The following SKAP1 variants were observed in gnomAD, a reference collection of about 807,000 sequenced individuals.
SKAP1 encodes src kinase associated phosphoprotein 1.
SKAP1 carries 44 observed loss-of-function variants against 58.5 expected under a neutral mutation model. The observed-to-expected ratio is 0.75, with a 90% CI of 0.59 to 0.97. The LOEUF is 0.97. SKAP1 is among the 50% of genes least tolerant of loss of function. SKAP1 has a pLI of 0.00. For synonymous variants in SKAP1, 127 were observed against 149.7 expected (o/e 0.85, Z 1.11); for missense variants, 390 against 435.2 (o/e 0.90, Z 0.92).
At chr17:48,268,226 A>C (rs1216963909) in intron 4 of SKAP1, among the ~76,000 whole-genome samples, 2 of 151,756 alleles carry the variant, frequency 1.3e-5, no homozygotes, top group Non-Finnish European at 2.9e-5. Context: ...TAACCCTCCA[A>C]ATACTGACCT....
intron 4 of SKAP1, among the ~76,000 whole-genome samples, chr17:48,205,015 T>TTG (rs751542564): frequency 6.8e-4 from 38 of 55,596 alleles, no homozygotes; most frequent in South Asian, 1.9e-3. Flanking sequence ...CTTTCTTTCT[T>TTG]TTTCTTTCTT....
intron 1 of SKAP1, among the ~76,000 whole-genome samples, chr17:48,419,898 G>C (rs1192707682): frequency 6.6e-6 from 1 of 152,162 alleles, no homozygotes; most frequent in Non-Finnish European, 1.5e-5. Context: ...GATTTTATTA[G>C]AGTCAGCAGC....
At chr17:48,411,488 G>A (rs760257945) in intron 1 of SKAP1, among the ~76,000 whole-genome samples, 1 of 152,114 alleles carries the variant, frequency 6.6e-6, no homozygotes, top group Non-Finnish European at 1.5e-5. Flanking sequence ...AATAATTTAT[G>A]TACTACTCCA....
intron 2 of SKAP1, among the ~76,000 whole-genome samples, chr17:48,373,726 A>G (rs2067117112): frequency 6.6e-6 from 1 of 152,148 alleles, no homozygotes; most frequent in African/African-American, 2.4e-5. Flanking sequence ...AGAAGAGTCT[A>G]TAGACCTCAT....
At chr17:48,266,502 T>C (rs965061275) in intron 4 of SKAP1, among the ~76,000 whole-genome samples, 1 of 151,474 alleles carries the variant, frequency 6.6e-6, no homozygotes, top group Non-Finnish European at 1.5e-5. Flanking sequence ...CTTTTTTTCT[T>C]TTCTTACTTT....
chr17:48,324,512 G>A (rs1306392285), intron 4 of SKAP1, among the ~76,000 whole-genome samples: 3 of 151,942 alleles, frequency 2.0e-5, no homozygotes, highest in Non-Finnish European at 4.4e-5. Flanking sequence ...ATATACATAA[G>A]CTTCAAAAAG....
At chr17:48,337,313 T>C (rs1196103624) in intron 4 of SKAP1, among the ~76,000 whole-genome samples, 1 of 152,234 alleles carries the variant, frequency 6.6e-6, no homozygotes, top group Non-Finnish European at 1.5e-5. Flanking sequence ...TTCAGCATTG[T>C]GTTAAATAGT....
chr17:48,383,008 T>C (rs2067234844), intron 2 of SKAP1, among the ~76,000 whole-genome samples: 1 of 152,214 alleles, frequency 6.6e-6, no homozygotes, highest in African/African-American at 2.4e-5. Context: ...AGCCGCTCAC[T>C]GGCCCAAGAA....
At chr17:48,230,248 T>C (rs1485333368) in intron 4 of SKAP1, among the ~76,000 whole-genome samples, 1 of 152,244 alleles carries the variant, frequency 6.6e-6, no homozygotes, top group Non-Finnish European at 1.5e-5. Context: ...TGTTCTTGTG[T>C]AACCTGTTTC....
intron 4 of SKAP1, among the ~76,000 whole-genome samples, chr17:48,197,944 G>A (rs890061036): frequency 2.0e-5 from 3 of 152,260 alleles, no homozygotes; most frequent in Admixed American, 1.3e-4. Context: ...AGAAATGAAA[G>A]TGTCAGGAAA....
intron 4 of SKAP1, among the ~76,000 whole-genome samples, chr17:48,323,497 G>C (rs978461059): frequency 1.2e-4 from 18 of 151,858 alleles, no homozygotes; most frequent in Non-Finnish European, 1.5e-5. Context: ...TGGGCAAACA[G>C]GGCACAAAAT....
chr17:48,367,561 C>CATATATATATATAT (rs143641420), intron 2 of SKAP1, among the ~76,000 whole-genome samples: 2 of 142,174 alleles, frequency 1.4e-5, no homozygotes, highest in African/African-American at 5.2e-5. Flanking sequence ...GATATATATC[C>CATATATATATATAT]ATATATATAT....
At chr17:48,434,243 T>A (rs1402969226), upstream of SKAP1, among the ~76,000 whole-genome samples, 1 of 152,178 alleles carries the variant, frequency 6.6e-6, no homozygotes, top group African/African-American at 2.4e-5. Context: ...TTAAGAGATG[T>A]GGAAGGAGAG....
intron 4 of SKAP1, among the ~76,000 whole-genome samples, chr17:48,269,741 A>C (rs2143973413): frequency 6.6e-6 from 1 of 152,336 alleles, no homozygotes; most frequent in Admixed American, 6.5e-5. Context: ...GAGAGCTTTT[A>C]TCTAGTGGGG....
chr17:48,416,700 A>G (rs567288505), intron 1 of SKAP1, among the ~76,000 whole-genome samples: 3 of 152,344 alleles, frequency 2.0e-5, no homozygotes, highest in African/African-American at 7.2e-5. Flanking sequence ...GTTAAGTTAC[A>G]TATTGCTATT....
At chr17:48,309,199 A>G (rs2066188511) in intron 4 of SKAP1, among the ~76,000 whole-genome samples, 1 of 152,140 alleles carries the variant, frequency 6.6e-6, no homozygotes, top group Non-Finnish European at 1.5e-5. Flanking sequence ...TTACTAAAGC[A>G]AAAAACAACC....
intron 4 of SKAP1, among the ~76,000 whole-genome samples, chr17:48,252,714 GT>G (rs1829194528): frequency 1.9e-4 from 1 of 5,166 alleles, no homozygotes; most frequent in South Asian, 0.01. Flanking sequence ...CTCTAAGCTA[GT>G]GTGTGTGTGT....
rs767091028 is a variant in SKAP1, at chr17:48,184,743, G to A, written c.547C>T (p.Gln183Ter). ...CCTACCTCATAGCTGCGCCTATCCTGGGAGGTCAGTTCAAAGCAGGATTCT... is the reference window on the plus strand; with the variant it reads ...CCTACCTCATAGCTGCGCCTATCCTAGGAGGTCAGTTCAAAGCAGGATTCT... Reference protein sequence around the residue: ...KKESCFELTSQDRRSYEFTAT... With the variant: ...KKESCFELTS The change falls in exon 7 of 13, where the codon CAG becomes TAG. Residue 183 changes from glutamine (Q) to a stop codon, truncating the protein, a stop_gained. Transcript: ENST00000336915. LOFTEE classifies it high-confidence loss of function. 1 of 1,613,986 alleles carries A rather than the reference G, an allele frequency of 6.2e-7. No individual in the cohort carries two copies. Among genetic ancestry groups the A allele is most frequent in the Non-Finnish European group, 8.5e-7 (1 of 1,179,948 alleles).
intron 4 of SKAP1, chr17:48,307,379 T>C (rs762188837): frequency 2.6e-4 from 39 of 152,406 alleles, no homozygotes; most frequent in Admixed American, 7.8e-4. Context: ...GACCCTACTT[T>C]ATGGTTGCCA....
Sources: allele counts gnomAD v4.1 joint callset (sites outside exome capture counted in the v4.1 genomes callset), GRCh38; gene constraint gnomAD v4.1.1; transcripts MANE v1.5; gene names NCBI Gene and HGNC (gene_info 2026-07-23, HGNC 2026-07-21).